The following AP5M1 variants were observed in gnomAD, a reference collection of about 807,000 sequenced individuals.
AP5M1 encodes AP-5 complex subunit mu-1.
A neutral mutation model predicts 52.3 loss-of-function variants in AP5M1; 44 were observed. That is an observed-to-expected ratio of 0.84 (90% confidence interval 0.66 to 1.08). AP5M1 has a LOEUF of 1.08. Ranked by LOEUF, AP5M1 falls within the 50% of genes least tolerant of loss-of-function variation. The pLI is 0.00. For synonymous variants in AP5M1, 213 were observed against 199.0 expected, an observed-to-expected ratio of 1.07 and a Z score of -0.59; for missense variants, 526 against 568.4, an observed-to-expected ratio of 0.93 and a Z score of 0.76.
At position 57,293,108 on chromosome 14, in the gene AP5M1, A is replaced by G. The variant is rs2139702379; in HGVS notation, c.*4224A>G. 1 of 151,734 alleles carries G rather than the reference A, an allele frequency of 6.6e-6. No individual in the cohort carries two copies. The highest frequency in any genetic ancestry group is 2.1e-4 in the South Asian group (1 of 4,824). 9.4% of individuals were successfully genotyped at this position (151,734 alleles called of 1,614,324 possible). A position where few individuals can be genotyped will look rare whatever the true frequency, so the allele number is the denominator to read the frequency against. Reference sequence around the variant, plus strand: ...ATATGGAATTTTGCACAGTATTTTGAGAAAGAAAAGGTAATGTTTCATGGT... The same window carrying G: ...ATATGGAATTTTGCACAGTATTTTGGGAAAGAAAAGGTAATGTTTCATGGT... On this transcript the variant is annotated 3_prime_UTR_variant, in exon 8 of 8. Coordinates refer to ENST00000261558, the MANE Select transcript of AP5M1 (RefSeq NM_018229.4).
At chr14:57,276,046 G>A (rs1410432117) in intron 2 of AP5M1, among the ~76,000 whole-genome samples, 1 of 151,746 alleles carries the variant, frequency 6.6e-6, no homozygotes, top group East Asian at 1.9e-4. Context: ...GAACAGTCCT[G>A]ACAGAAAAAT....
At position 57,296,863 on chromosome 14, in the gene AP5M1, A is replaced by C. The variant is rs956862669; in HGVS notation, c.*7979A>C. The C allele has an allele frequency of 2.0e-5, 3 of 152,088 alleles. No individual in the cohort carries two copies. Among genetic ancestry groups the C allele is most frequent in the African/African-American group, 4.8e-5 (2 of 41,434 alleles). The allele number at this position is 152,088 out of a possible 1,614,324, so 9.4% of individuals were successfully genotyped here. ...TGGGATTAGACAAAAGACAAAAAAC[A>C]GTTCCATATTTTGAACGATATATTC... On this transcript the variant is annotated 3_prime_UTR_variant, in exon 8 of 8. Transcript: ENST00000261558.
chr14:57,273,012 G>A (rs1884931577), intron 1 of AP5M1, among the ~76,000 whole-genome samples: 1 of 151,888 alleles, frequency 6.6e-6, no homozygotes, highest in Non-Finnish European at 1.5e-5. Context: ...GCTCGGCTCG[G>A]CTCATTGCAA....
chr14:57,278,802 G>A (rs1885099373), intron 2 of AP5M1, among the ~76,000 whole-genome samples: 1 of 152,172 alleles, frequency 6.6e-6, no homozygotes, highest in South Asian at 2.1e-4. Flanking sequence ...ATGACTACGT[G>A]TAAGTTGCAG....
intron 2 of AP5M1, 40 bp downstream of exon 2, chr14:57,274,929 A>G: frequency 1.2e-6 from 2 of 1,608,328 alleles, no homozygotes; most frequent in Non-Finnish European, 1.7e-6. Flanking sequence ...CGTTTTATTT[A>G]ACATATGGAG....
intron 7 of AP5M1, among the ~76,000 whole-genome samples, chr14:57,287,301 G>C (rs1368170593): frequency 6.6e-6 from 1 of 152,000 alleles, no homozygotes; most frequent in Non-Finnish European, 1.5e-5. Flanking sequence ...GAATAGGAAA[G>C]GACTCTCCAT....
chr14:57,274,845 G>C lies in AP5M1; in HGVS notation c.676G>C (p.Gly226Arg), dbSNP rs10137359. Residue 226 changes from glycine to arginine, a missense_variant, in exon 2 of 8, where the codon GGT becomes CGT. This residue lies in a region of AP5M1 where 425 missense variants were observed against 430.6 expected (regional missense o/e 0.99). Transcript: ENST00000261558. ...KVKSMQYDKQGIADTWQVVGT... is the reference protein window; with the variant it reads ...KVKSMQYDKQRIADTWQVVGT... ...AAAATCCATGCAATATGATAAACAGGGTATAGCAGATACATGGCAAGTTGT... is the reference window on the plus strand; with the variant it reads ...AAAATCCATGCAATATGATAAACAGCGTATAGCAGATACATGGCAAGTTGT... 10,370 of 1,614,014 alleles carry C rather than the reference G, an allele frequency of 6.4e-3. 545 individuals are homozygous for C. In the African/African-American group the frequency reaches 0.12, roughly 19 times the overall value.
Position 57,292,843 on chromosome 14 carries a change from A to C in AP5M1, c.*3959A>C, listed in dbSNP as rs1335826063. On this transcript the variant is annotated 3_prime_UTR_variant, in exon 8 of 8. Coordinates refer to ENST00000261558, the MANE Select transcript of AP5M1 (RefSeq NM_018229.4). The stretch of plus-strand genomic sequence containing the variant: ...CCAGTTGAGGAAAATGTGTTGCAGT[A>C]CACAGTTATCCACCTTAAGACTAAT... 6.6e-6 allele frequency: 1 copy of C among 151,696 alleles called. No individual in the cohort carries two copies. Among genetic ancestry groups the C allele is most frequent in the East Asian group, 1.9e-4 (1 of 5,176 alleles). The allele number at this position is 151,696 out of a possible 1,614,324, so 9.4% of individuals were successfully genotyped here.
intron 7 of AP5M1, among the ~76,000 whole-genome samples, chr14:57,286,747 T>C (rs757619586): frequency 6.6e-6 from 1 of 152,134 alleles, no homozygotes; most frequent in Non-Finnish European, 1.5e-5. Flanking sequence ...TACCTCAGGA[T>C]TGTTATGAGG....
rs188257168 is a variant in AP5M1, at chr14:57,275,179, A to G, written c.720+290A>G. Reference sequence around the variant, plus strand: ...GGGAACTTTCAGGGTAGAATCACTCATGAAGTTGCAGTCAAGTTTTCAGTT... The same window carrying G: ...GGGAACTTTCAGGGTAGAATCACTCGTGAAGTTGCAGTCAAGTTTTCAGTT... On this transcript the variant is annotated intron_variant, in intron 2 of 7. Transcript: ENST00000261558. 1.9e-3 allele frequency: 749 copies of G among 401,898 alleles called. 7 individuals carry two copies. The highest frequency in any genetic ancestry group is 0.015 in the African/African-American group (713 of 48,270). 24.9% of individuals were successfully genotyped at this position (401,898 alleles called of 1,614,324 possible).
chr14:57,283,992 C>T (rs1885247655), intron 6 of AP5M1, among the ~76,000 whole-genome samples: 1 of 152,010 alleles, frequency 6.6e-6, no homozygotes, highest in Non-Finnish European at 1.5e-5. Flanking sequence ...GTCTCAAAAA[C>T]AAAAAAATTG....
chr14:57,298,601 A>T lies in AP5M1; in HGVS notation c.*9717A>T, dbSNP rs533833907. 3.9e-5 allele frequency: 6 copies of T among 152,318 alleles called. No homozygotes were observed. Among genetic ancestry groups the T allele is most frequent in the Admixed American group, 1.3e-4 (2 of 15,290 alleles). The allele number at this position is 152,318 out of a possible 1,614,324, so 9.4% of individuals were successfully genotyped here. A position where few individuals can be genotyped will look rare whatever the true frequency, so the allele number is the denominator to read the frequency against. On this transcript the variant is annotated 3_prime_UTR_variant, in exon 8 of 8. Transcript: ENST00000261558. ...CATGGAATTGTCTCTACCTATAATTATGTGACTGTGCCTTCAGATTATCAA... is the reference window on the plus strand; with the variant it reads ...CATGGAATTGTCTCTACCTATAATTTTGTGACTGTGCCTTCAGATTATCAA...
rs1162435731 is a variant in AP5M1 at position 57,289,913 on chromosome 14, C to A, written c.*1029C>A. Reference sequence around the variant, plus strand: ...CATCATCTTTATACTCTACCTGCTTCTGCAATTATATATCATATTATGTTT... The same window carrying A: ...CATCATCTTTATACTCTACCTGCTTATGCAATTATATATCATATTATGTTT... On this transcript the variant is annotated 3_prime_UTR_variant, in exon 8 of 8. Coordinates refer to ENST00000261558, the MANE Select transcript of AP5M1 (RefSeq NM_018229.4). 6.6e-6 allele frequency: 1 copy of A among 151,964 alleles called. No homozygotes were observed. The allele number at this position is 151,964 out of a possible 1,614,324, so 9.4% of individuals were successfully genotyped here.
intron 3 of AP5M1, among the ~76,000 whole-genome samples, 180 bp from the exon 4 acceptor site, chr14:57,281,908 AT>A (rs1885185708): frequency 5.3e-5 from 8 of 152,194 alleles, no homozygotes; most frequent in Admixed American, 5.2e-4. Context: ...CGCTTTTCTC[AT>A]CTCCGAAAAC....
rs1424550341 is a variant in AP5M1, at chr14:57,280,777, G to C, written c.948+355G>C. Among the ~76,000 whole-genome samples the C allele has an allele frequency of 4.6e-5, 7 of 152,024 alleles. 1 individual carries two copies. Among genetic ancestry groups the C allele is most frequent in the Non-Finnish European group, 7.4e-5 (5 of 68,014 alleles). On this transcript the variant is annotated intron_variant, in intron 3 of 7. Transcript: ENST00000261558. Reference sequence around the variant, plus strand: ...GAGGCAGGAGAATCGCTTGAACCCAGGTGGCGGAGGTTGCGGTGAGCCAAG... The same window carrying C: ...GAGGCAGGAGAATCGCTTGAACCCACGTGGCGGAGGTTGCGGTGAGCCAAG...
chr14:57,287,026 C>T (rs1174676921), intron 7 of AP5M1, among the ~76,000 whole-genome samples: 15 of 145,092 alleles, frequency 1.0e-4, no homozygotes, highest in South Asian at 4.3e-4. Flanking sequence ...CACACACACA[C>T]GAAACATATG....
rs538144687 is a variant in AP5M1 at position 57,269,320 on chromosome 14, G to T, written c.6G>T (p.Ala2=). 632 of 1,614,094 alleles carry T rather than the reference G, an allele frequency of 3.9e-4. 12 individuals are homozygous for T. The South Asian group carries it at 6.5e-3, about 17-fold the overall frequency. The part of the protein sequence containing the change: M[A]QRAVWLISHE... ...AATGCTTTACTGACTTAACCATGGC[G>T]CAGCGGGCAGTGTGGCTCATAAGCC... The change falls in exon 1 of 8, where the codon GCG becomes GCT. Residue 2 remains alanine (A), a synonymous_variant. Transcript: ENST00000261558.
At chr14:57,285,480 T>C (rs1885284187) in intron 6 of AP5M1, among the ~76,000 whole-genome samples, 1 of 152,054 alleles carries the variant, frequency 6.6e-6, no homozygotes, top group African/African-American at 2.4e-5. Context: ...GCATTAAGAA[T>C]TATACCAAAA....
At position 57,290,450 on chromosome 14, in the gene AP5M1, TATGTTGATAAGTTA is replaced by T. The variant is rs1333690379; in HGVS notation, c.*1570_*1583del. The T allele has an allele frequency of 6.6e-6, 1 of 151,970 alleles. No individual in the cohort carries two copies. Among genetic ancestry groups the T allele is most frequent in the African/African-American group, 2.4e-5 (1 of 41,414 alleles). 9.4% of individuals were successfully genotyped at this position (151,970 alleles called of 1,614,324 possible). On this transcript the variant is annotated 3_prime_UTR_variant, in exon 8 of 8. Transcript: ENST00000261558. ...TAAACTCAAAGCTTAACATTTCACT[TATGTTGATAAGTTA>T]ATGGTAATGGAGCCATTTGGAATCT...
Sources: allele counts gnomAD v4.1 joint callset (sites outside exome capture counted in the v4.1 genomes callset), GRCh38; gene constraint gnomAD v4.1.1; regional missense constraint gnomAD v4.1.1; transcripts MANE v1.5; gene names NCBI Gene and HGNC (gene_info 2026-07-23, HGNC 2026-07-21).